The following CHD9 variants were observed in gnomAD, a reference collection of about 807,000 sequenced individuals.
CHD9 encodes ATP-dependent chromatin remodeler CHD9.
A neutral mutation model predicts 316.1 loss-of-function variants in CHD9; 77 were observed. The observed-to-expected ratio is 0.24, with a 90% CI of 0.20 to 0.29. CHD9 has a LOEUF of 0.29. CHD9 is among the 10% of genes least tolerant of loss of function. The probability of loss-of-function intolerance (pLI) is 1.00; values close to 1 mark genes in which losing one functional copy is unlikely to be tolerated. For missense variants in CHD9, 2,763 were observed against 3,438.1 expected (o/e 0.80, Z 4.91); for synonymous variants, 1,129 against 1,158.3 (o/e 0.97, Z 0.51).
chr16:53,327,170 A>G lies in CHD9; in HGVS notation c.*2275A>G, dbSNP rs1177173364. On this transcript the variant is annotated 3_prime_UTR_variant, in exon 39 of 39. Coordinates refer to ENST00000447540, the MANE Select transcript of CHD9 (RefSeq NM_001308319.2). ...TTGTGTAAAGTTAAGGGTTATAAGG[A>G]AAAAAAAATCAGTAGAATTACATAA... The G allele has an allele frequency of 6.6e-6, 1 of 152,034 alleles. No homozygotes were observed. The highest frequency in any genetic ancestry group is 2.4e-5 in the African/African-American group (1 of 41,318). 9.4% of individuals were successfully genotyped at this position (152,034 alleles called of 1,614,324 possible).
chr16:53,293,198 T>G (rs1027947162), intron 29 of CHD9, 146 bp downstream of exon 29: 1 of 645,620 alleles, frequency 1.5e-6, no homozygotes, highest in African/African-American at 1.8e-5. Context: ...TACACACATA[T>G]ACTCACACAT....
intron 1 of CHD9, among the ~76,000 whole-genome samples, chr16:53,154,102 C>T (rs12149129): frequency 0.28 from 42,352 of 152,036 alleles, 5,989 homozygotes; most frequent in Middle Eastern, 0.32. Flanking sequence ...AATTAAGGGA[C>T]AATATTGAAT....
chr16:53,279,417 G>A (rs1334626463), intron 24 of CHD9, among the ~76,000 whole-genome samples: 2 of 152,094 alleles, frequency 1.3e-5, no homozygotes, highest in Non-Finnish European at 2.9e-5. Context: ...TGTAAATGAC[G>A]AGTTAATGGG....
intron 36 of CHD9, among the ~76,000 whole-genome samples, chr16:53,316,821 G>A (rs921287486): frequency 3.3e-5 from 5 of 152,064 alleles, no homozygotes; most frequent in African/African-American, 1.2e-4. Flanking sequence ...AAATAGAGCC[G>A]ACATTTGTCT....
Position 53,292,898 on chromosome 16 carries a change from A to G in CHD9, c.5356A>G (p.Arg1786Gly). ...TCAATCAGCTTTAACCACACGTTTG[A>G]GGCGTCTCATCACTGCATACCAGCG... Reference protein sequence around the residue: ...PTQSALTTRLRRLITAYQRTN... With the variant: ...PTQSALTTRLGRLITAYQRTN... The change falls in exon 29 of 39, where the codon AGG becomes GGG. Residue 1786 changes from arginine to glycine, a missense_variant. Arg to Gly is a moderately radical substitution (Grantham distance 125, BLOSUM62 -2). This residue lies in a region of CHD9 where 183 missense variants were observed against 258.5 expected (regional missense o/e 0.71). Coordinates refer to ENST00000447540, the MANE Select transcript of CHD9 (RefSeq NM_001308319.2). The G allele has an allele frequency of 6.2e-7, 1 of 1,613,856 alleles. No individual in the cohort carries two copies. Among genetic ancestry groups the G allele is most frequent in the Non-Finnish European group, 8.5e-7 (1 of 1,179,852 alleles).
chr16:53,144,290 C>T (rs1291668562), intron 1 of CHD9, among the ~76,000 whole-genome samples: 1 of 151,922 alleles, frequency 6.6e-6, no homozygotes, highest in Non-Finnish European at 1.5e-5. Flanking sequence ...TATAAGACAC[C>T]TTTACAAGCA....
chr16:53,307,095 A>G (rs1243267256), intron 32 of CHD9, among the ~76,000 whole-genome samples: 1 of 151,694 alleles, frequency 6.6e-6, no homozygotes, highest in Non-Finnish European at 1.5e-5. Flanking sequence ...TTCTTCCATT[A>G]TGTGACTAGA....
chr16:53,109,654 CT>C (rs549027598), intron 1 of CHD9, among the ~76,000 whole-genome samples: 1 of 136,432 alleles, frequency 7.3e-6, no homozygotes, highest in South Asian at 2.4e-4. Flanking sequence ...AATATTTTGC[CT>C]AAAAATTTGG....
At chr16:53,234,230 G>C (rs1597560558) in intron 10 of CHD9, among the ~76,000 whole-genome samples, 1 of 152,262 alleles carries the variant, frequency 6.6e-6, no homozygotes, top group Admixed American at 6.5e-5. Flanking sequence ...TTACTGCTTA[G>C]TTTAGCTTTC....
intron 1 of CHD9, among the ~76,000 whole-genome samples, chr16:53,096,322 A>G (rs538050799): frequency 6.6e-6 from 1 of 152,278 alleles, no homozygotes; most frequent in Non-Finnish European, 1.5e-5. Flanking sequence ...AATACCCAAC[A>G]CAATGCCGGG....
chr16:53,146,437 A>ATATATATATATATATATATAT (rs58622741), intron 1 of CHD9, among the ~76,000 whole-genome samples: 52 of 129,574 alleles, frequency 4.0e-4, no homozygotes, highest in Non-Finnish European at 4.6e-4. Flanking sequence ...ATATATATAT[A>ATATATATATATATATATATAT]ATTAAAAAGT....
chr16:53,290,278 A>G (rs2054221553), intron 27 of CHD9, among the ~76,000 whole-genome samples: 1 of 152,142 alleles, frequency 6.6e-6, no homozygotes, highest in Non-Finnish European at 1.5e-5. Context: ...CAAAAAAAAG[A>G]AACTGCTCAA....
intron 12 of CHD9, among the ~76,000 whole-genome samples, chr16:53,241,747 A>G (rs974053467): frequency 2.0e-5 from 3 of 152,164 alleles, no homozygotes; most frequent in Non-Finnish European, 4.4e-5. Flanking sequence ...CATGAACTCC[A>G]ATGAAGATTT....
At chr16:53,292,636 G>C (rs950269162) in intron 28 of CHD9, among the ~76,000 whole-genome samples, 197 bp from the exon 29 acceptor site, 2 of 152,088 alleles carry the variant, frequency 1.3e-5, no homozygotes, top group Non-Finnish European at 2.9e-5. Context: ...CCACTGTATT[G>C]TACCTACTTT....
At chr16:53,159,083 T>C (rs2041729277) in intron 2 of CHD9, among the ~76,000 whole-genome samples, 1 of 152,180 alleles carries the variant, frequency 6.6e-6, no homozygotes, top group Non-Finnish European at 1.5e-5. Flanking sequence ...CAGACCAGCC[T>C]GGACCATGTA....
intron 37 of CHD9, among the ~76,000 whole-genome samples, chr16:53,319,638 A>G (rs1567686487): frequency 6.6e-6 from 1 of 152,222 alleles, no homozygotes; most frequent in Non-Finnish European, 1.5e-5. Flanking sequence ...ACTAAATATT[A>G]TGAATGAGTT....
At chr16:53,170,039 G>GT (rs11434728) in intron 2 of CHD9, among the ~76,000 whole-genome samples, 39,842 of 145,484 alleles carry the variant, frequency 0.27, 5,489 homozygotes, top group Middle Eastern at 0.32. Context: ...AGGTTAAGCA[G>GT]TTTTTTTTTG....
Position 53,155,963 on chromosome 16 carries a change from A to G in CHD9, c.-127A>G. 1 of 801,248 alleles carries G rather than the reference A, an allele frequency of 1.2e-6. No homozygotes were observed. Among genetic ancestry groups the G allele is most frequent in the South Asian group, 1.9e-5 (1 of 52,006 alleles). 49.6% of individuals were successfully genotyped at this position (801,248 alleles called of 1,614,324 possible). A position where few individuals can be genotyped will look rare whatever the true frequency, so the allele number is the denominator to read the frequency against. Reference sequence around the variant, plus strand: ...TCATGACATGTCATTATTTAGAGCAATAATGAATATTGACCTGTTTTGGAT... The same window carrying G: ...TCATGACATGTCATTATTTAGAGCAGTAATGAATATTGACCTGTTTTGGAT... On this transcript the variant is annotated 5_prime_UTR_variant, in exon 2 of 39. Transcript: ENST00000447540.
intron 2 of CHD9, among the ~76,000 whole-genome samples, chr16:53,190,166 G>T (rs2152825313): frequency 6.6e-6 from 1 of 152,228 alleles, no homozygotes; most frequent in South Asian, 2.1e-4. Flanking sequence ...CTATTTGTAA[G>T]ATTATAGCAG....
Sources: allele counts gnomAD v4.1 joint callset (sites outside exome capture counted in the v4.1 genomes callset), GRCh38; gene constraint gnomAD v4.1.1; regional missense constraint gnomAD v4.1.1; transcripts MANE v1.5; gene names NCBI Gene and HGNC (gene_info 2026-07-23, HGNC 2026-07-21).